PRDM16: variants seen among roughly 807,000 people sequenced by gnomAD.
PRDM16 encodes the protein PR/SET domain 16.
A neutral mutation model predicts 110.6 loss-of-function variants in PRDM16; 23 were observed. The observed-to-expected ratio is 0.21, with a 90% confidence interval of 0.15 to 0.29. The LOEUF is 0.29. PRDM16 is among the 10% of genes least tolerant of loss of function. The probability of loss-of-function intolerance (pLI) is 1.00; values close to 1 mark genes in which losing one functional copy is unlikely to be tolerated. For synonymous variants in PRDM16, 799 were observed against 781.8 expected (o/e 1.02, Z -0.37); for missense variants, 1,615 against 1,794.3 (o/e 0.90, Z 1.81).
chr1:3,412,477 C>G lies in PRDM16; in HGVS notation c.2280C>G (p.Asp760Glu). Residue 760 changes from aspartate to glutamate, a missense_variant, in exon 9 of 17, where the codon GAC (aspartate) becomes GAG (glutamate). Asp to Glu is a conservative substitution (Grantham distance 45). Coordinates refer to ENST00000270722, the MANE Select transcript of PRDM16 (RefSeq NM_022114.4). ...LVKAEPKSPR[D>E]ALKVGGPSAE... ...AGGCCGAGCCAAAGTCACCCCGGGA[C>G]GCCCTCAAGGTGGGCGGCCCCAGTG... is the stretch of plus-strand genomic sequence containing the variant. 1 of 1,613,486 alleles carries G rather than the reference C, an allele frequency of 6.2e-7. No individual in the cohort carries two copies. The highest frequency in any genetic ancestry group is 2.2e-5 in the East Asian group (1 of 44,864).
intron 3 of PRDM16, among the ~76,000 whole-genome samples, chr1:3,263,755 G>A (rs2100260652): frequency 6.6e-6 from 1 of 152,328 alleles, no homozygotes; most frequent in East Asian, 1.9e-4. Flanking sequence ...TACCAAAGGA[G>A]GTGTCTCATC....
At chr1:3,346,799 C>T (rs1301369723) in intron 3 of PRDM16, among the ~76,000 whole-genome samples, 1 of 152,176 alleles carries the variant, frequency 6.6e-6, no homozygotes, top group African/African-American at 2.4e-5. Flanking sequence ...CTCACGTTCG[C>T]CCGCCCCAGT....
chr1:3,385,077 TG>T (rs1569638435), intron 3 of PRDM16, 74 bp from the exon 4 acceptor site: 14 of 1,573,242 alleles, frequency 8.9e-6, no homozygotes, highest in African/African-American at 1.3e-5. Flanking sequence ...GCCAGGTTTC[TG>T]GGTGGGCAGA....
intron 2 of PRDM16, among the ~76,000 whole-genome samples, chr1:3,229,113 C>T (rs1185017544): frequency 6.6e-6 from 1 of 152,248 alleles, no homozygotes; most frequent in Non-Finnish European, 1.5e-5. Context: ...CTCCCCAGGG[C>T]ACCGTGAACA....
At chr1:3,360,586 C>T (rs939000390) in intron 3 of PRDM16, among the ~76,000 whole-genome samples, 8 of 152,194 alleles carry the variant, frequency 5.3e-5, no homozygotes, top group African/African-American at 1.7e-4. Flanking sequence ...CCCTTACATC[C>T]AGAGACCCCC....
chr1:3,283,824 T>G (rs1223897405), intron 3 of PRDM16, among the ~76,000 whole-genome samples: 1 of 152,358 alleles, frequency 6.6e-6, no homozygotes. Flanking sequence ...GCTGGTGGTG[T>G]TGCGGCCACA....
chr1:3,266,891 T>C (rs1029212471), intron 3 of PRDM16, among the ~76,000 whole-genome samples: 3 of 152,190 alleles, frequency 2.0e-5, no homozygotes, highest in African/African-American at 7.2e-5. Context: ...TTGTCCAGGC[T>C]GCTCTCGAAC....
intron 2 of PRDM16, among the ~76,000 whole-genome samples, chr1:3,224,379 G>C (rs1369351923): frequency 6.6e-6 from 1 of 152,184 alleles, no homozygotes; most frequent in African/African-American, 2.4e-5. Flanking sequence ...CCAATACCCA[G>C]TAGTGTCTCC....
chr1:3,180,716 C>CAGAAGAGAACAG (rs879530395), intron 1 of PRDM16, among the ~76,000 whole-genome samples: 1 of 151,952 alleles, frequency 6.6e-6, no homozygotes, highest in Non-Finnish European at 1.5e-5. Flanking sequence ...AGACGGGAGA[C>CAGAAGAGAACAG]CCTTCCTCCT....
intron 10 of PRDM16, among the ~76,000 whole-genome samples, chr1:3,415,419 T>G (rs1643762492): frequency 6.6e-6 from 1 of 152,244 alleles, no homozygotes; most frequent in Non-Finnish European, 1.5e-5. Flanking sequence ...ATTGTTCTCT[T>G]TCTCGGCCTT....
At chr1:3,283,661 A>T (rs1569990532) in intron 3 of PRDM16, among the ~76,000 whole-genome samples, 1 of 151,766 alleles carries the variant, frequency 6.6e-6, no homozygotes, top group African/African-American at 2.4e-5. Context: ...AGGAAGAGAC[A>T]GGGGGTGGTC....
rs913580276 is a variant in PRDM16 at position 3,238,792 on chromosome 1, C to T, written c.388-5295C>T. Among the ~76,000 whole-genome samples, 8 of 152,248 alleles carry T rather than the reference C, an allele frequency of 5.3e-5. No homozygotes were observed. In the South Asian group the frequency reaches 1.0e-3, roughly 20 times the overall value. Reference sequence around the variant, plus strand: ...TGTGTCTTCTTCCTGCCGAGGCATCCACCCGGAGGCCTCTGTCCTGCCGGA... The same window carrying T: ...TGTGTCTTCTTCCTGCCGAGGCATCTACCCGGAGGCCTCTGTCCTGCCGGA... On this transcript the variant is annotated intron_variant, in intron 2 of 16. Transcript: ENST00000270722.
intron 3 of PRDM16, among the ~76,000 whole-genome samples, chr1:3,336,696 CTG>C (rs542601493): frequency 1.5e-4 from 20 of 135,398 alleles, no homozygotes; most frequent in African/African-American, 4.6e-4. Context: ...TTTTGTGAAT[CTG>C]TGAGCACATG....
intron 1 of PRDM16, among the ~76,000 whole-genome samples, chr1:3,182,188 C>A (rs1194467590): frequency 6.6e-6 from 1 of 152,258 alleles, no homozygotes; most frequent in African/African-American, 2.4e-5. Flanking sequence ...CACAGCCAGG[C>A]AGATACCGAC....
intron 14 of PRDM16, among the ~76,000 whole-genome samples, chr1:3,428,316 C>T (rs1397468921): frequency 1.3e-5 from 2 of 151,770 alleles, no homozygotes; most frequent in African/African-American, 2.4e-5. Context: ...GCAGCCCGGC[C>T]GCACTGCAGG....
chr1:3,321,003 G>T (rs549890528), intron 3 of PRDM16, among the ~76,000 whole-genome samples: 2 of 152,344 alleles, frequency 1.3e-5, no homozygotes, highest in Admixed American at 1.3e-4. Context: ...CCTTCCTCAT[G>T]GAGCCTGACT....
chr1:3,070,466 A>T (rs566660960), intron 1 of PRDM16, among the ~76,000 whole-genome samples: 1,554 of 149,282 alleles, frequency 0.01, 32 homozygotes, highest in African/African-American at 0.034. Context: ...CCCCGGCTGC[A>T]GCGAAGCGGC....
At chr1:3,232,652 G>T (rs1639444261) in intron 2 of PRDM16, among the ~76,000 whole-genome samples, 1 of 152,166 alleles carries the variant, frequency 6.6e-6, no homozygotes, top group Admixed American at 6.5e-5. Flanking sequence ...GGCCAAGGGG[G>T]GTAGTGACAC....
intron 3 of PRDM16, among the ~76,000 whole-genome samples, chr1:3,372,086 G>A (rs1569595981): frequency 6.6e-6 from 1 of 152,310 alleles, no homozygotes; most frequent in Non-Finnish European, 1.5e-5. Context: ...CATTTGAGAG[G>A]GCCTGAGGGT....
Sources: allele counts gnomAD v4.1 joint callset (sites outside exome capture counted in the v4.1 genomes callset), GRCh38; gene constraint gnomAD v4.1.1; transcripts MANE v1.5; gene names NCBI Gene and HGNC (gene_info 2026-07-23, HGNC 2026-07-21).